Variants in CPA3 observed in about 807,000 individuals in gnomAD.
The protein encoded by CPA3 is mast cell carboxypeptidase A.
In CPA3, 52 loss-of-function variants were observed where a neutral mutation model predicts 55.8. The observed-to-expected ratio is 0.93, with a 90% CI of 0.75 to 1.17. The LOEUF is 1.17. Among genes scored for constraint, CPA3 ranks in the 50% most tolerant of loss-of-function variants. CPA3 has a pLI of 0.00. For synonymous variants in CPA3, 179 were observed against 171.2 expected (o/e 1.05, Z -0.36); for missense variants, 547 against 509.1 (o/e 1.07, Z -0.72).
At chr3:148,879,043 TC>T (rs1714289860) in intron 5 of CPA3, among the ~76,000 whole-genome samples, 1 of 151,910 alleles carries the variant, frequency 6.6e-6, no homozygotes. Flanking sequence ...AAAACCCTCA[TC>T]CCTTAAAATG....
chr3:148,878,277 C>T (rs1240369006), intron 3 of CPA3, among the ~76,000 whole-genome samples, 164 bp from the exon 4 acceptor site: 3 of 152,096 alleles, frequency 2.0e-5, no homozygotes, highest in Non-Finnish European at 2.9e-5. Flanking sequence ...AGAAGCCAGA[C>T]ACATGATATG....
At chr3:148,882,814 A>C (rs1315034182) in intron 8 of CPA3, among the ~76,000 whole-genome samples, 1 of 152,122 alleles carries the variant, frequency 6.6e-6, no homozygotes, top group African/African-American at 2.4e-5. Flanking sequence ...ACCATCTCTT[A>C]CTTACTATAT....
chr3:148,876,381 AT>A (rs879657368), intron 3 of CPA3, among the ~76,000 whole-genome samples: 2,529 of 144,026 alleles, frequency 0.018, 41 homozygotes, highest in African/African-American at 0.054. Context: ...CTGATAAGAC[AT>A]TTTTTTTTTT....
intron 3 of CPA3, among the ~76,000 whole-genome samples, chr3:148,875,051 G>A (rs979921558): frequency 2.6e-5 from 4 of 152,130 alleles, no homozygotes; most frequent in African/African-American, 9.7e-5. Context: ...AGCCACCCAA[G>A]ATCACATGTT....
At chr3:148,884,341 A>G (rs1714460719) in intron 9 of CPA3, among the ~76,000 whole-genome samples, 2 of 152,306 alleles carry the variant, frequency 1.3e-5, no homozygotes, top group South Asian at 4.1e-4. Flanking sequence ...ATTAAGCACC[A>G]TTTTGTTTAT....
chr3:148,889,924 A>T (rs892200438), intron 10 of CPA3, among the ~76,000 whole-genome samples: 1 of 150,536 alleles, frequency 6.6e-6, no homozygotes, highest in African/African-American at 2.4e-5. Flanking sequence ...ATGAATGATT[A>T]TACCCCCAGC....
At chr3:148,881,478 C>A (rs773052218) in intron 6 of CPA3, 44 bp from the exon 7 acceptor site, 2 of 1,223,098 alleles carry the variant, frequency 1.6e-6, no homozygotes, top group Middle Eastern at 1.9e-4. Context: ...CACATAATAG[C>A]TAAACTTCAT....
At chr3:148,874,430 G>A (rs1445088998) in intron 3 of CPA3, among the ~76,000 whole-genome samples, 2 of 152,148 alleles carry the variant, frequency 1.3e-5, no homozygotes, top group Non-Finnish European at 2.9e-5. Context: ...AAAGCAATTA[G>A]TTATGTCTGT....
At position 148,879,780 on chromosome 3, in the gene CPA3, T is replaced by C. The variant is rs1714306732; in HGVS notation, c.475-8T>C. ...TCAAAACAATATCTCAAGTTTACTT[T>C]TAAATAGATTGGGGAAAAGAATGAA... On this transcript the variant is annotated splice_region_variant and splice_polypyrimidine_tract_variant and intron_variant, in intron 5 of 10. Coordinates refer to ENST00000296046, the MANE Select transcript of CPA3 (RefSeq NM_001870.4). The C allele has an allele frequency of 6.3e-7, 1 of 1,584,572 alleles. No individual in the cohort carries two copies. The highest frequency in any genetic ancestry group is 1.7e-5 in the Admixed American group (1 of 59,924).
chr3:148,888,560 G>A (rs1405396238), intron 10 of CPA3, among the ~76,000 whole-genome samples: 1 of 152,212 alleles, frequency 6.6e-6, no homozygotes, highest in African/African-American at 2.4e-5. Context: ...CAAGAAGACA[G>A]ACTAGAAGAT....
intron 10 of CPA3, among the ~76,000 whole-genome samples, chr3:148,889,890 A>G (rs900745960): frequency 7.0e-6 from 1 of 143,118 alleles, no homozygotes; most frequent in African/African-American, 2.5e-5. Context: ...AAAAAAAAGA[A>G]TCATCAGGAA....
chr3:148,892,327 C>T (rs540289235), intron 10 of CPA3, among the ~76,000 whole-genome samples: 2 of 152,280 alleles, frequency 1.3e-5, no homozygotes, highest in East Asian at 3.9e-4. Context: ...AGTGAACCAA[C>T]CAGACCAAAA....
chr3:148,883,578 C>G (rs769218568), intron 8 of CPA3, 35 bp from the exon 9 acceptor site: 123 of 1,528,228 alleles, frequency 8.0e-5, no homozygotes, highest in Non-Finnish European at 1.1e-4. Flanking sequence ...GGATGGGGAG[C>G]AGACTGTGGT....
intron 10 of CPA3, among the ~76,000 whole-genome samples, chr3:148,893,946 G>A (rs952144288): frequency 1.3e-5 from 2 of 152,172 alleles, no homozygotes; most frequent in Admixed American, 6.5e-5. Context: ...AGAAATGAAG[G>A]AGGGAATAAG....
intron 3 of CPA3, among the ~76,000 whole-genome samples, chr3:148,871,431 T>C (rs1411533244): frequency 6.6e-6 from 1 of 152,218 alleles, no homozygotes; most frequent in Non-Finnish European, 1.5e-5. Flanking sequence ...AGAAAATGTA[T>C]CTAGAAAAGC....
chr3:148,866,344 A>T (rs577603836), intron 2 of CPA3, among the ~76,000 whole-genome samples: 4 of 152,166 alleles, frequency 2.6e-5, no homozygotes, highest in Non-Finnish European at 4.4e-5. Context: ...CCTCCATTCC[A>T]CTGCCACTGC....
rs755305712 is a variant in CPA3 at position 148,865,385 on chromosome 3, A to G, written c.68+10A>G. On this transcript the variant is annotated intron_variant, in intron 1 of 10. Transcript: ENST00000296046. ...CTGTCCGCTTTGACAGGTAAATCTT[A>G]CTTCCTGTGTTCCAGTCTCTGTGTA... The G allele has an allele frequency of 1.9e-6, 3 of 1,613,152 alleles. No homozygotes were observed. The highest frequency in any genetic ancestry group is 2.7e-5 in the African/African-American group (2 of 74,658).
chr3:148,892,858 G>C (rs890070054), intron 10 of CPA3, among the ~76,000 whole-genome samples: 1 of 151,994 alleles, frequency 6.6e-6, no homozygotes, highest in South Asian at 2.1e-4. Flanking sequence ...GGCGCCTGTA[G>C]AGAGGAGAAG....
rs746472423 is a variant in CPA3, at chr3:148,879,851, TG to T, written c.541del (p.Val181SerfsTer23). ...FTDCGIHAREWVSPAFCQWFV... is the reference protein window; with the variant it reads ...FTDCGIHAREXVSPAFCQWFV... ...GGATTGTGGCATTCACGCACGAGAA[TG>T]GGTCTCCCCAGCATTCTGCCAGTGG... On this transcript the variant is annotated frameshift_variant, in exon 6 of 11. Coordinates refer to ENST00000296046, the MANE Select transcript of CPA3 (RefSeq NM_001870.4). LOFTEE classifies it high-confidence loss of function. 1 of 1,612,970 alleles carries T rather than the reference TG, an allele frequency of 6.2e-7. No individual in the cohort carries two copies. The highest frequency in any genetic ancestry group is 8.5e-7 in the Non-Finnish European group (1 of 1,179,062).
Sources: allele counts gnomAD v4.1 joint callset (sites outside exome capture counted in the v4.1 genomes callset), GRCh38; gene constraint gnomAD v4.1.1; transcripts MANE v1.5; gene names NCBI Gene and HGNC (gene_info 2026-07-23, HGNC 2026-07-21).